Variants in PDE4D observed in about 807,000 individuals in gnomAD.
PDE4D encodes phosphodiesterase 4D.
PDE4D carries 24 observed loss-of-function variants against 87.4 expected under a neutral mutation model. The observed-to-expected ratio is 0.27, with a 90% CI of 0.20 to 0.39. The LOEUF is 0.39. PDE4D is among the 10% of genes least tolerant of loss of function. PDE4D has a pLI of 1.00. For synonymous variants in PDE4D, 384 were observed against 383.2 expected, an observed-to-expected ratio of 1.00 and a Z score of -0.02; for missense variants, 714 against 1,041.0, an observed-to-expected ratio of 0.69 and a Z score of 4.32.
chr5:59,739,982 A>G (rs909743289), intron 1 of PDE4D, among the ~76,000 whole-genome samples: 1 of 152,216 alleles, frequency 6.6e-6, no homozygotes, highest in South Asian at 2.1e-4. Flanking sequence ...TGAAGGTTTG[A>G]ATCCTAATCA....
chr5:59,264,749 T>C (rs1308294836), intron 1 of PDE4D, among the ~76,000 whole-genome samples: 2 of 152,002 alleles, frequency 1.3e-5, no homozygotes, highest in Non-Finnish European at 2.9e-5. Context: ...CTACTCATAA[T>C]AAAATAGTAG....
chr5:60,284,401 T>C (rs1048991498), intron 1 of PDE4D, among the ~76,000 whole-genome samples: 5 of 152,188 alleles, frequency 3.3e-5, no homozygotes, highest in African/African-American at 1.2e-4. Flanking sequence ...GAAGTTGCAC[T>C]TTTTAGGAAC....
intron 1 of PDE4D, among the ~76,000 whole-genome samples, chr5:59,239,942 T>C (rs1018260080): frequency 3.3e-5 from 5 of 152,206 alleles, no homozygotes; most frequent in African/African-American, 1.2e-4. Flanking sequence ...ACATGCTCCG[T>C]AAATATGAAA....
At chr5:59,367,168 G>A (rs1383373020) in intron 1 of PDE4D, among the ~76,000 whole-genome samples, 1 of 152,168 alleles carries the variant, frequency 6.6e-6, no homozygotes, top group African/African-American at 2.4e-5. Flanking sequence ...CAGAAGTTCT[G>A]AGAAAATAGC....
At chr5:59,524,614 C>T (rs956676656) in intron 1 of PDE4D, among the ~76,000 whole-genome samples, 5 of 152,158 alleles carry the variant, frequency 3.3e-5, no homozygotes, top group African/African-American at 1.2e-4. Context: ...TAATGAGATG[C>T]CAAATGTTAA....
At chr5:59,613,426 G>C (rs578044026) in intron 1 of PDE4D, among the ~76,000 whole-genome samples, 1 of 152,156 alleles carries the variant, frequency 6.6e-6, no homozygotes, top group Non-Finnish European at 1.5e-5. Context: ...GATCCAGATC[G>C]GTAGAGACTT....
intron 3 of PDE4D, among the ~76,000 whole-genome samples, chr5:59,954,181 C>A (rs756538107): frequency 6.6e-6 from 1 of 152,208 alleles, no homozygotes; most frequent in Non-Finnish European, 1.5e-5. Flanking sequence ...GCCTCGGTCT[C>A]CCAAAATGCT....
At chr5:59,157,589 A>G (rs1780441716) in intron 5 of PDE4D, among the ~76,000 whole-genome samples, 2 of 152,234 alleles carry the variant, frequency 1.3e-5, no homozygotes, top group South Asian at 4.1e-4. Context: ...TATAATTGTT[A>G]TTATTACCAT....
intron 1 of PDE4D, among the ~76,000 whole-genome samples, chr5:59,850,037 A>G (rs942925766): frequency 3.3e-5 from 5 of 152,050 alleles, no homozygotes; most frequent in Non-Finnish European, 7.4e-5. Flanking sequence ...TATCCATACT[A>G]GAGATTTGCA....
chr5:59,963,788 C>T (rs1284276886), intron 3 of PDE4D, among the ~76,000 whole-genome samples: 2 of 152,072 alleles, frequency 1.3e-5, no homozygotes, highest in Admixed American at 6.6e-5. Context: ...CAGCCCTATT[C>T]AGAGTGGGAT....
At chr5:59,380,049 G>T (rs1785465321) in intron 1 of PDE4D, among the ~76,000 whole-genome samples, 1 of 151,960 alleles carries the variant, frequency 6.6e-6, no homozygotes. Context: ...TGTGTTAAAG[G>T]GTAGGAGTAA....
chr5:60,205,238 C>T (rs889604776), intron 1 of PDE4D, among the ~76,000 whole-genome samples: 13 of 152,162 alleles, frequency 8.5e-5, no homozygotes, highest in African/African-American at 3.1e-4. Flanking sequence ...GCTCTGTCTT[C>T]CTGTGATGGG....
At chr5:59,863,653 C>T (rs1746603208) in intron 1 of PDE4D, among the ~76,000 whole-genome samples, 1 of 152,136 alleles carries the variant, frequency 6.6e-6, no homozygotes, top group African/African-American at 2.4e-5. Context: ...TGAATTTATG[C>T]TCTAAGTATG....
chr5:59,158,058 T>G (rs1287497805), intron 5 of PDE4D, among the ~76,000 whole-genome samples: 5 of 152,170 alleles, frequency 3.3e-5, no homozygotes, highest in African/African-American at 1.2e-4. Flanking sequence ...TATATTGAAT[T>G]TATATTGAGT....
At chr5:59,715,389 T>TC (rs902411509) in intron 1 of PDE4D, among the ~76,000 whole-genome samples, 43 of 152,128 alleles carry the variant, frequency 2.8e-4, no homozygotes, top group Non-Finnish European at 4.7e-4. Flanking sequence ...AGGAAGGGCA[T>TC]CCCCCCCTAT....
intron 5 of PDE4D, among the ~76,000 whole-genome samples, chr5:59,114,998 A>AT (rs1773350148): frequency 6.6e-6 from 1 of 151,994 alleles, no homozygotes; most frequent in African/African-American, 2.4e-5. Flanking sequence ...GAGGAAGGGA[A>AT]TTTTTTCCTT....
chr5:60,433,117 G>C (rs935719847), intron 1 of PDE4D, among the ~76,000 whole-genome samples: 3 of 152,018 alleles, frequency 2.0e-5, no homozygotes, highest in Non-Finnish European at 4.4e-5. Flanking sequence ...GCACAGCAAA[G>C]GAAACTATCA....
chr5:59,385,173 G>A (rs956151331), intron 1 of PDE4D, among the ~76,000 whole-genome samples: 4 of 152,100 alleles, frequency 2.6e-5, no homozygotes, highest in East Asian at 1.9e-4. Context: ...TTCTAGGCCC[G>A]CTAGAAATCT....
At chr5:59,636,350 T>G (rs1299156815) in intron 1 of PDE4D, among the ~76,000 whole-genome samples, 1 of 152,100 alleles carries the variant, frequency 6.6e-6, no homozygotes, top group African/African-American at 2.4e-5. Flanking sequence ...CAAGCTACCA[T>G]TGACTTTCTT....
Sources: gnomAD v4.1 joint callset for allele counts (sites outside exome capture counted in the v4.1 genomes callset) on GRCh38, gnomAD v4.1.1 for gene constraint, MANE v1.5 for transcripts, NCBI Gene and HGNC (gene_info 2026-07-23, HGNC 2026-07-21) for gene names.